RRN3: variants seen among roughly 807,000 people sequenced by gnomAD.
RRN3 encodes the protein RNA polymerase I transcription factor RRN3, also known as RNA polymerase I-specific transcription initiation factor RRN3.
RRN3 carries 38 observed loss-of-function variants against 82.3 expected under a neutral mutation model. The ratio of observed to expected loss-of-function variants is 0.46; its 90% CI spans 0.36 to 0.61. The LOEUF (loss-of-function observed/expected upper bound fraction) is 0.61, where lower values mean the gene tolerates loss of function less well. Ranked by LOEUF, RRN3 falls within the 20% of genes least tolerant of loss-of-function variation. The pLI is 0.00. For missense variants in RRN3, 726 were observed against 793.1 expected, an observed-to-expected ratio of 0.92 and a Z score of 1.02; for synonymous variants, 284 against 284.3, an observed-to-expected ratio of 1.00 and a Z score of 0.01.
rs777858095 is a variant in RRN3, at chr16:15,076,575, C to T, written c.841G>A (p.Glu281Lys). Residue 281 changes from glutamate (E) to lysine (K), a missense_variant, in exon 10 of 18, where the codon GAA becomes AAA. Glu to Lys is a moderately conservative substitution (Grantham distance 56). Transcript: ENST00000198767. Reference sequence around the variant, plus strand: ...CTGCTAACCATATTAAACAATCCTTCCGTGGAATCTGTCCCACCACAAGTT... The same window carrying T: ...CTGCTAACCATATTAAACAATCCTTTCGTGGAATCTGTCCCACCACAAGTT... ...TQTCGGTDST[E>K]GLFNMDEDEE... 3.7e-6 allele frequency: 6 copies of T among 1,611,232 alleles called. No individual in the cohort carries two copies. In the Admixed American group the frequency reaches 1.0e-4, roughly 27 times the overall value.
At chr16:15,090,717 G>C (rs1429534919) in intron 3 of RRN3, among the ~76,000 whole-genome samples, 1 of 152,068 alleles carries the variant, frequency 6.6e-6, no homozygotes, top group African/African-American at 2.4e-5. Context: ...TAATAAAATT[G>C]GAATTTCATT....
In RRN3 at chr16:15,079,890, C is replaced by T. The variant is rs1216423567; in HGVS notation, c.765+108G>A. ...GGGAATACAGGCGTGAGTCACCACG[C>T]CTGGCCAAGTGGATTCTTTTCTATC... On this transcript the variant is annotated intron_variant, in intron 9 of 17. Coordinates refer to ENST00000198767, the MANE Select transcript of RRN3 (RefSeq NM_018427.5). The T allele has an allele frequency of 8.5e-6, 11 of 1,288,092 alleles. No individual in the cohort carries two copies. The East Asian group carries it at 2.7e-4, about 31-fold the overall frequency. The allele number at this position is 1,288,092 out of a possible 1,614,324, so 79.8% of individuals were successfully genotyped here. A position where few individuals can be genotyped will look rare whatever the true frequency, so the allele number is the denominator to read the frequency against.
rs1292904737 is a variant in RRN3, at chr16:15,077,165, G to C, written c.766-515C>G. On this transcript the variant is annotated intron_variant, in intron 9 of 17. Transcript: ENST00000198767. ...CAGCTAATTTTGTATTTTTAGTAGA[G>C]ATGGGGTTACTCCATGTTAGTCAGG... Among the ~76,000 whole-genome samples, 8 of 151,784 alleles carry C rather than the reference G, an allele frequency of 5.3e-5. No individual in the cohort carries two copies. The East Asian group carries it at 1.6e-3, about 30-fold the overall frequency.
At position 15,085,675 on chromosome 16, in the gene RRN3, C is replaced by T. The variant is rs773979584; in HGVS notation, c.496G>A (p.Asp166Asn). Residue 166 changes from aspartate to asparagine, a missense_variant, in exon 6 of 18, where the codon GAT becomes AAT. This residue lies in a region of RRN3 where 344 missense variants were observed against 394.5 expected (regional missense o/e 0.87). Coordinates refer to ENST00000198767, the MANE Select transcript of RRN3 (RefSeq NM_018427.5). ...TCATCAGAATCTGAAACATCTACAT[C>T]GCCTTCCTTAATGATCACTCGGGCT... ...VPPRVIIKEG[D>N]VDVSDSDDED... is the part of the protein sequence containing the mutation. 36 of 1,613,430 alleles carry T rather than the reference C, an allele frequency of 2.2e-5. No homozygotes were observed. The Admixed American group carries it at 3.5e-4, about 16-fold the overall frequency.
At chr16:15,065,572 G>A (rs1389263724) in intron 15 of RRN3, among the ~76,000 whole-genome samples, 1 of 152,156 alleles carries the variant, frequency 6.6e-6, no homozygotes, top group African/African-American at 2.4e-5. Flanking sequence ...AGTTTGCTAA[G>A]GAGAAAGAAA....
intron 9 of RRN3, among the ~76,000 whole-genome samples, chr16:15,079,032 G>A (rs1373570267): frequency 6.6e-6 from 1 of 151,972 alleles, no homozygotes; most frequent in East Asian, 1.9e-4. Flanking sequence ...GGATGGTCTC[G>A]ATCTCCTGAC....
In RRN3 at chr16:15,071,149, A is replaced by G; in HGVS notation, c.1231T>C (p.Leu411=). The change falls in exon 13 of 18, where the codon TTG becomes CTG. Residue 411 remains leucine, a synonymous_variant. Coordinates refer to ENST00000198767, the MANE Select transcript of RRN3 (RefSeq NM_018427.5). The part of the protein sequence containing the change: ...QAAGNYIGSF[L]ARAKFIPLIT... ...AGAGGAATAAATTTAGCTCTTGCCA[A>G]AAAGCTTCCAATATAATTTCCAGCA... The G allele has an allele frequency of 1.2e-6, 2 of 1,609,596 alleles. No homozygotes were observed. Among genetic ancestry groups the G allele is most frequent in the Non-Finnish European group, 1.7e-6 (2 of 1,179,152 alleles).
chr16:15,082,853 G>A (rs1238717639), intron 8 of RRN3, among the ~76,000 whole-genome samples: 1 of 152,054 alleles, frequency 6.6e-6, no homozygotes, highest in East Asian at 1.9e-4. Flanking sequence ...ATTCTTCTAT[G>A]GAAGGCTTTG....
chr16:15,083,403 A>C, intron 8 of RRN3, 110 bp downstream of exon 8: 1 of 1,489,924 alleles, frequency 6.7e-7, no homozygotes. Flanking sequence ...GGTCTCAAAA[A>C]AGAAAAAGAA....
At chr16:15,084,485 C>A (rs1191664029) in intron 7 of RRN3, among the ~76,000 whole-genome samples, 157 bp downstream of exon 7, 1 of 152,096 alleles carries the variant, frequency 6.6e-6, no homozygotes, top group South Asian at 2.1e-4. Flanking sequence ...AATGGAAATG[C>A]CACTTTTTGT....
At chr16:15,065,611 G>A (rs2044936039) in intron 15 of RRN3, among the ~76,000 whole-genome samples, 1 of 152,026 alleles carries the variant, frequency 6.6e-6, no homozygotes, top group African/African-American at 2.4e-5. Flanking sequence ...ATGTGAAACT[G>A]GGCTTATATT....
rs1001252655 is a variant in RRN3 at position 15,086,360 on chromosome 16, C to T, written c.342+5G>A. On this transcript the variant is annotated splice_donor_5th_base_variant and intron_variant, in intron 4 of 17. Coordinates refer to ENST00000198767, the MANE Select transcript of RRN3 (RefSeq NM_018427.5). ...ACTTTACAGTAAAATAAATGGTGAA[C>T]TTACTAATATAATACTGATAAGTTG... The T allele has an allele frequency of 6.2e-7, 1 of 1,613,408 alleles. No individual in the cohort carries two copies. Among genetic ancestry groups the T allele is most frequent in the African/African-American group, 1.3e-5 (1 of 74,864 alleles).
chr16:15,092,325 A>G (rs576710643), intron 2 of RRN3, among the ~76,000 whole-genome samples, 184 bp downstream of exon 2: 2 of 152,328 alleles, frequency 1.3e-5, no homozygotes, highest in African/African-American at 4.8e-5. Flanking sequence ...GAAATGGGCC[A>G]AGGTGGGGGA....
chr16:15,084,897 C>G (rs1264047021), intron 6 of RRN3, among the ~76,000 whole-genome samples, 192 bp from the exon 7 acceptor site: 1 of 152,026 alleles, frequency 6.6e-6, no homozygotes, highest in East Asian at 1.9e-4. Flanking sequence ...GAAACCCCAT[C>G]TCTACTAAAA....
At chr16:15,070,043 C>A (rs1243067532) in intron 14 of RRN3, 27 bp downstream of exon 14, 5 of 1,238,680 alleles carry the variant, frequency 4.0e-6, no homozygotes, top group Non-Finnish European at 5.7e-6. Flanking sequence ...CAAGGAAAAT[C>A]CAGTCCAGCA....
chr16:15,081,106 G>C (rs758492429), intron 8 of RRN3, among the ~76,000 whole-genome samples: 14 of 152,026 alleles, frequency 9.2e-5, no homozygotes, highest in Non-Finnish European at 1.8e-4. Flanking sequence ...ACCATGTTTT[G>C]TCTGTTCATC....
chr16:15,061,677 G>C lies in RRN3; in HGVS notation c.*67C>G. The C allele has an allele frequency of 6.8e-7, 1 of 1,471,268 alleles. No individual in the cohort carries two copies. The highest frequency in any genetic ancestry group is 9.4e-7 in the Non-Finnish European group (1 of 1,066,842). The allele number at this position is 1,471,268 out of a possible 1,614,324, so 91.1% of individuals were successfully genotyped here. A position where few individuals can be genotyped will look rare whatever the true frequency, so the allele number is the denominator to read the frequency against. On this transcript the variant is annotated 3_prime_UTR_variant, in exon 18 of 18. Transcript: ENST00000198767. ...CCATCAATGCCCAATGGCACAAGCT[G>C]GGTGCTGAGGGCATGACAAGTGATG...
chr16:15,081,990 T>C (rs918887175), intron 8 of RRN3, among the ~76,000 whole-genome samples: 2 of 152,220 alleles, frequency 1.3e-5, no homozygotes, highest in African/African-American at 4.8e-5. Flanking sequence ...TGAACTCATT[T>C]ATTATCTCTA....
chr16:15,064,651 AC>A (rs2044878393), intron 16 of RRN3, among the ~76,000 whole-genome samples: 1 of 152,228 alleles, frequency 6.6e-6, no homozygotes, highest in East Asian at 1.9e-4. Context: ...AAAACAAAAA[AC>A]AAAAAACCCT....
Sources: allele counts gnomAD v4.1 joint callset (sites outside exome capture counted in the v4.1 genomes callset), GRCh38; gene constraint gnomAD v4.1.1; regional missense constraint gnomAD v4.1.1; transcripts MANE v1.5; gene names NCBI Gene and HGNC (gene_info 2026-07-23, HGNC 2026-07-21).